The following RBFOX1 variants were observed in gnomAD, a reference collection of about 807,000 sequenced individuals.
RBFOX1 encodes the protein RNA binding protein fox-1 homolog 1.
RBFOX1 carries 8 observed loss-of-function variants against 57.7 expected under a neutral mutation model. That is an observed-to-expected ratio of 0.14 (90% confidence interval 0.08 to 0.25). RBFOX1 has a LOEUF of 0.25. RBFOX1 is among the 10% of genes least tolerant of loss of function. The pLI, the probability that RBFOX1 is intolerant of heterozygous loss-of-function variation, is 1.00. For missense variants in RBFOX1, 611 were observed against 548.5 expected (o/e 1.11, Z -1.14); for synonymous variants, 326 against 222.4 (o/e 1.47, Z -4.15).
chr16:7,003,248 C>G (rs1374983588), intron 3 of RBFOX1, among the ~76,000 whole-genome samples: 1 of 151,988 alleles, frequency 6.6e-6, no homozygotes, highest in African/African-American at 2.4e-5. Flanking sequence ...ATCACAAGGT[C>G]AGCAGATCAA....
intron 3 of RBFOX1, among the ~76,000 whole-genome samples, chr16:6,814,329 GACATAGC>G (rs1452662630): frequency 1.3e-5 from 2 of 152,108 alleles, no homozygotes; most frequent in Non-Finnish European, 2.9e-5. Context: ...AGTTGATTAA[GACATAGC>G]TCCTGATCAT....
chr16:7,301,514 A>C (rs1256033939), intron 4 of RBFOX1, among the ~76,000 whole-genome samples: 2 of 152,204 alleles, frequency 1.3e-5, no homozygotes, highest in Non-Finnish European at 2.9e-5. Context: ...ATCACTACTG[A>C]GGGGTTCCAA....
chr16:5,832,741 G>A (rs538629582), intron 3 of RBFOX1, among the ~76,000 whole-genome samples: 1 of 152,286 alleles, frequency 6.6e-6, no homozygotes, highest in African/African-American at 2.4e-5. Flanking sequence ...AATTTAAAAA[G>A]CTGAGTCTGA....
chr16:7,395,551 A>G (rs2098126157), intron 4 of RBFOX1, among the ~76,000 whole-genome samples: 1 of 152,228 alleles, frequency 6.6e-6, no homozygotes, highest in African/African-American at 2.4e-5. Context: ...AGAGCTCATT[A>G]AGGGGAATGC....
chr16:7,675,968 C>T (rs1325527998), intron 13 of RBFOX1, among the ~76,000 whole-genome samples: 1 of 152,182 alleles, frequency 6.6e-6, no homozygotes, highest in African/African-American at 2.4e-5. Context: ...CCACTGAACA[C>T]AATTCCTTTT....
At chr16:7,628,111 G>T (rs911136611) in intron 10 of RBFOX1, among the ~76,000 whole-genome samples, 3 of 152,052 alleles carry the variant, frequency 2.0e-5, no homozygotes, top group African/African-American at 4.8e-5. Context: ...TGACCCAAGG[G>T]TTTTAACCAT....
intron 1 of RBFOX1, among the ~76,000 whole-genome samples, chr16:6,076,921 A>T (rs1432331565): frequency 1.3e-5 from 2 of 152,196 alleles, no homozygotes; most frequent in Non-Finnish European, 2.9e-5. Flanking sequence ...CCAATGGTCA[A>T]GTTTGTTGCA....
intron 3 of RBFOX1, among the ~76,000 whole-genome samples, chr16:6,964,446 C>G (rs1292930951): frequency 6.6e-6 from 1 of 152,088 alleles, no homozygotes; most frequent in Non-Finnish European, 1.5e-5. Context: ...GGAAACTCTG[C>G]TCTTTGGGTG....
In RBFOX1 at chr16:5,789,916, T is replaced by TG. The variant is rs747692601; in HGVS notation, c.319-77384dup. Among the ~76,000 whole-genome samples the TG allele has an allele frequency of 6.2e-4, 94 of 152,318 alleles. No homozygotes were observed. In the Middle Eastern group the frequency reaches 0.014, roughly 22 times the overall value. ...CTTAAGGAAGTGAGCCTGCAGTGTATGGGCTGTGCTAGCTGCGGCAATGGT... is the reference window on the plus strand; with the variant it reads ...CTTAAGGAAGTGAGCCTGCAGTGTATGGGGCTGTGCTAGCTGCGGCAATGGT... On this transcript the variant is annotated intron_variant, in intron 3 of 19. Transcript: ENST00000641259.
intron 3 of RBFOX1, among the ~76,000 whole-genome samples, chr16:6,672,482 GAA>G (rs1342190569): frequency 6.7e-6 from 1 of 148,714 alleles, no homozygotes; most frequent in African/African-American, 2.5e-5. Context: ...AAAGAAAAAA[GAA>G]AAAGGGAGGG....
chr16:6,674,364 C>T (rs1340045966), intron 3 of RBFOX1, among the ~76,000 whole-genome samples: 5 of 151,930 alleles, frequency 3.3e-5, no homozygotes, highest in Non-Finnish European at 7.4e-5. Flanking sequence ...CTCTGTTGCC[C>T]AGGCTGGAGT....
intron 4 of RBFOX1, among the ~76,000 whole-genome samples, chr16:5,926,305 G>A (rs376164439): frequency 6.6e-6 from 1 of 152,198 alleles, no homozygotes; most frequent in South Asian, 2.1e-4. Flanking sequence ...GAAATCCTAT[G>A]TGTAAAATTG....
chr16:5,435,381 C>T (rs10220925), intron 1 of RBFOX1, among the ~76,000 whole-genome samples: 2 of 152,036 alleles, frequency 1.3e-5, no homozygotes, highest in South Asian at 4.2e-4. Flanking sequence ...ATCTGTGAGG[C>T]TTTGCTTTAG....
intron 4 of RBFOX1, among the ~76,000 whole-genome samples, chr16:5,908,095 T>TATATATATACACAC (rs1567133450): frequency 7.1e-6 from 1 of 139,888 alleles, no homozygotes; most frequent in African/African-American, 3.0e-5. Context: ...TACACATATA[T>TATATATATACACAC]ACACATATAT....
chr16:6,766,509 C>A (rs959172086), intron 3 of RBFOX1, among the ~76,000 whole-genome samples: 1 of 151,818 alleles, frequency 6.6e-6, no homozygotes, highest in Non-Finnish European at 1.5e-5. Flanking sequence ...AGAAAATATT[C>A]CGGAATAGCA....
At position 7,342,424 on chromosome 16, in the gene RBFOX1, G is replaced by A. The variant is rs552709202; in HGVS notation, c.28-175723G>A. On this transcript the variant is annotated intron_variant, in intron 4 of 15. Coordinates refer to ENST00000550418, the MANE Select transcript of RBFOX1 (RefSeq NM_018723.4). ...ATGGTTTCAACCTGTCTGCGGGGAT[G>A]GTCACATCGACTGCAGAAGGGAGCA... 2.0e-5 allele frequency among the ~76,000 whole-genome samples: 3 copies of A among 152,290 alleles called. No individual in the cohort carries two copies. In the South Asian group the frequency reaches 6.2e-4, roughly 32 times the overall value.
chr16:6,560,705 G>C (rs2097169135), intron 2 of RBFOX1, among the ~76,000 whole-genome samples: 1 of 152,154 alleles, frequency 6.6e-6, no homozygotes, highest in South Asian at 2.1e-4. Flanking sequence ...ATTGAAAATT[G>C]ATTATGAGGG....
downstream of RBFOX1, among the ~76,000 whole-genome samples, chr16:5,604,126 T>G (rs1273385305): frequency 6.6e-6 from 1 of 152,212 alleles, no homozygotes; most frequent in Non-Finnish European, 1.5e-5. Flanking sequence ...AGAACCCAAA[T>G]TTTTACTTTG....
intron 1 of RBFOX1, among the ~76,000 whole-genome samples, chr16:5,349,076 C>T (rs139427528): frequency 6.6e-6 from 1 of 152,200 alleles, no homozygotes; most frequent in African/African-American, 2.4e-5. Context: ...GCTGGTCAGC[C>T]GTTGTTATCT....
Sources: allele counts gnomAD v4.1 joint callset (sites outside exome capture counted in the v4.1 genomes callset), GRCh38; gene constraint gnomAD v4.1.1; transcripts MANE v1.5; gene names NCBI Gene and HGNC (gene_info 2026-07-23, HGNC 2026-07-21).